GALNTL6: variants seen among roughly 807,000 people sequenced by gnomAD.
GALNTL6 encodes the protein polypeptide N-acetylgalactosaminyltransferase like 6.
In GALNTL6, 46 loss-of-function variants were observed where a neutral mutation model predicts 73.7. That is an observed-to-expected ratio of 0.62 (90% CI 0.49 to 0.80). GALNTL6 has a LOEUF of 0.80. Among genes scored for constraint, GALNTL6 ranks in the 30% least tolerant of loss-of-function variants. GALNTL6 has a pLI of 0.00. For missense variants in GALNTL6, 604 were observed against 755.0 expected, an observed-to-expected ratio of 0.80 and a Z score of 2.34; for synonymous variants, 259 against 263.7, an observed-to-expected ratio of 0.98 and a Z score of 0.17.
At chr4:172,945,066 A>G (rs1749097281) in intron 9 of GALNTL6, among the ~76,000 whole-genome samples, 3 of 151,724 alleles carry the variant, frequency 2.0e-5, no homozygotes, top group Non-Finnish European at 4.4e-5. Flanking sequence ...CTCAAAAAAA[A>G]AAAAAAGAAA....
At chr4:172,843,061 T>C (rs1560987775) in intron 7 of GALNTL6, among the ~76,000 whole-genome samples, 1 of 152,132 alleles carries the variant, frequency 6.6e-6, no homozygotes, top group Non-Finnish European at 1.5e-5. Context: ...CCTCTGGGAA[T>C]GGGTTCAAAT....
chr4:172,093,601 C>G (rs1370700896), intron 2 of GALNTL6, among the ~76,000 whole-genome samples: 1 of 152,178 alleles, frequency 6.6e-6, no homozygotes, highest in African/African-American at 2.4e-5. Flanking sequence ...AAAGCTTCAT[C>G]TGTACTTACA....
chr4:172,617,374 A>G (rs2111063076), intron 5 of GALNTL6, among the ~76,000 whole-genome samples: 1 of 148,834 alleles, frequency 6.7e-6, no homozygotes, highest in South Asian at 2.1e-4. Flanking sequence ...TTTAGACCCT[A>G]TCTTGGGACC....
intron 5 of GALNTL6, among the ~76,000 whole-genome samples, chr4:172,455,508 C>T (rs992780385): frequency 6.6e-5 from 10 of 152,126 alleles, no homozygotes; most frequent in Non-Finnish European, 1.0e-4. Flanking sequence ...CTGGGACACT[C>T]GAGCTTGGGT....
intron 2 of GALNTL6, among the ~76,000 whole-genome samples, chr4:172,168,838 A>C (rs542941377): frequency 4.3e-4 from 65 of 152,290 alleles, no homozygotes; most frequent in African/African-American, 1.5e-3. Flanking sequence ...AATATTTTCG[A>C]TGTCATGTAA....
At chr4:172,744,840 CGTGTGTGTGTGTGTGTGT>C (rs3084334) in intron 5 of GALNTL6, among the ~76,000 whole-genome samples, 1 of 149,254 alleles carries the variant, frequency 6.7e-6, no homozygotes, top group Non-Finnish European at 1.5e-5. Context: ...AGTGCGCGTG[CGTGTGTGTGTGTGTGTGT>C]GTGTGTGTGT....
intron 2 of GALNTL6, among the ~76,000 whole-genome samples, chr4:172,034,399 CGTGT>C (rs1209195765): frequency 0.013 from 436 of 33,416 alleles, 4 homozygotes; most frequent in African/African-American, 0.037. Context: ...AGCGTGCGTG[CGTGT>C]GTGTGTGTGT....
At chr4:172,084,157 G>T (rs147916864) in intron 2 of GALNTL6, among the ~76,000 whole-genome samples, 36 of 152,248 alleles carry the variant, frequency 2.4e-4, no homozygotes, top group African/African-American at 8.4e-4. Context: ...ATACAAACCT[G>T]GGAGTTTGTC....
chr4:171,881,712 T>G (rs1736457032), intron 2 of GALNTL6, among the ~76,000 whole-genome samples: 1 of 152,250 alleles, frequency 6.6e-6, no homozygotes, highest in African/African-American at 2.4e-5. Context: ...TTCTTCCTAG[T>G]TTCTTGCTAA....
At chr4:172,804,331 G>A (rs896453470) in intron 5 of GALNTL6, among the ~76,000 whole-genome samples, 1 of 152,134 alleles carries the variant, frequency 6.6e-6, no homozygotes, top group Admixed American at 6.5e-5. Flanking sequence ...AGAACTCATA[G>A]CTAAGTATCA....
At chr4:171,909,122 T>G (rs1453937544) in intron 2 of GALNTL6, among the ~76,000 whole-genome samples, 1 of 145,022 alleles carries the variant, frequency 6.9e-6, no homozygotes, top group Non-Finnish European at 1.5e-5. Context: ...TGTGCACATG[T>G]ACCCTAAAAC....
At chr4:172,443,298 T>C (rs967069780) in intron 5 of GALNTL6, among the ~76,000 whole-genome samples, 1 of 150,860 alleles carries the variant, frequency 6.6e-6, no homozygotes, top group African/African-American at 2.4e-5. Flanking sequence ...CCCAAGTAGA[T>C]GGGATTACAG....
In GALNTL6 at chr4:173,040,803, T is replaced by C. The variant is rs1040171481; in HGVS notation, c.*703T>C. 5.9e-5 allele frequency: 9 copies of C among 152,658 alleles called. No homozygotes were observed. Among genetic ancestry groups the C allele is most frequent in the Middle Eastern group, 3.4e-3 (1 of 294 alleles). 9.5% of individuals were successfully genotyped at this position (152,658 alleles called of 1,614,324 possible). A position where few individuals can be genotyped will look rare whatever the true frequency, so the allele number is the denominator to read the frequency against. ...GTTCATGCTCCATGAATCCACTGAATTTCTAATTCAGTGCCCTTCTATGAA... is the reference window on the plus strand; with the variant it reads ...GTTCATGCTCCATGAATCCACTGAACTTCTAATTCAGTGCCCTTCTATGAA... On this transcript the variant is annotated 3_prime_UTR_variant, in exon 13 of 13. Transcript: ENST00000506823.
intron 5 of GALNTL6, among the ~76,000 whole-genome samples, chr4:172,594,284 G>T (rs892267145): frequency 9.2e-5 from 14 of 152,146 alleles, no homozygotes; most frequent in Non-Finnish European, 8.8e-5. Context: ...GGTGGAGGTT[G>T]CAGTGAGCCA....
chr4:172,089,445 A>AC (rs1440776901), intron 2 of GALNTL6, among the ~76,000 whole-genome samples: 1 of 152,124 alleles, frequency 6.6e-6, no homozygotes, highest in Non-Finnish European at 1.5e-5. Context: ...TACATGGGTG[A>AC]CCAGTTTCAG....
intron 5 of GALNTL6, among the ~76,000 whole-genome samples, chr4:172,708,237 G>A (rs1035404807): frequency 6.6e-6 from 1 of 152,082 alleles, no homozygotes. Flanking sequence ...TTTTAGAAAC[G>A]TGGAGTTTTG....
At chr4:172,873,596 C>T (rs1015404218) in intron 7 of GALNTL6, among the ~76,000 whole-genome samples, 5 of 152,194 alleles carry the variant, frequency 3.3e-5, no homozygotes, top group Non-Finnish European at 5.9e-5. Context: ...TAGAACACAA[C>T]AAGGGTGCTG....
At chr4:172,281,898 A>G (rs1739073736) in intron 3 of GALNTL6, among the ~76,000 whole-genome samples, 1 of 152,080 alleles carries the variant, frequency 6.6e-6, no homozygotes, top group Non-Finnish European at 1.5e-5. Context: ...GATTGTTTCT[A>G]AACAACTAAA....
At chr4:172,798,156 G>A (rs543419330) in intron 5 of GALNTL6, among the ~76,000 whole-genome samples, 1 of 152,130 alleles carries the variant, frequency 6.6e-6, no homozygotes, top group South Asian at 2.1e-4. Flanking sequence ...TTCTGGTTTT[G>A]TCTTAGAAAA....
Sources: gnomAD v4.1 joint callset for allele counts (sites outside exome capture counted in the v4.1 genomes callset) on GRCh38, gnomAD v4.1.1 for gene constraint, MANE v1.5 for transcripts, NCBI Gene and HGNC (gene_info 2026-07-23, HGNC 2026-07-21) for gene names.